FAM13C: variants seen among roughly 807,000 people sequenced by gnomAD.
FAM13C encodes family with sequence similarity 13 member C.
Under a neutral mutation model 73.2 loss-of-function variants are expected in FAM13C, and 37 were observed. The observed-to-expected ratio is 0.51, with a 90% CI of 0.39 to 0.67. FAM13C has a LOEUF of 0.67. Ranked by LOEUF, FAM13C falls within the 30% of genes least tolerant of loss-of-function variation. The pLI is 0.00. For missense variants in FAM13C, 589 were observed against 715.6 expected, an observed-to-expected ratio of 0.82 and a Z score of 2.02; for synonymous variants, 246 against 260.9, an observed-to-expected ratio of 0.94 and a Z score of 0.55.
At chr10:59,309,240 C>T (rs1848649893) in intron 4 of FAM13C, among the ~76,000 whole-genome samples, 1 of 152,136 alleles carries the variant, frequency 6.6e-6, no homozygotes, top group Non-Finnish European at 1.5e-5. Flanking sequence ...ATCTCTACCA[C>T]TGCCATCTGG....
At chr10:59,279,158 T>C (rs1262787888) in intron 6 of FAM13C, among the ~76,000 whole-genome samples, 1 of 151,726 alleles carries the variant, frequency 6.6e-6, no homozygotes, top group Non-Finnish European at 1.5e-5. Context: ...ATCAAGGGAG[T>C]TTTTCAAATG....
At chr10:59,271,457 C>T (rs1348214909) in intron 6 of FAM13C, among the ~76,000 whole-genome samples, 2 of 152,178 alleles carry the variant, frequency 1.3e-5, no homozygotes, top group East Asian at 3.9e-4. Context: ...TTTGCCTTTG[C>T]AGCTCACTGA....
chr10:59,270,982 A>C (rs59747214), intron 6 of FAM13C, among the ~76,000 whole-genome samples: 35,263 of 152,018 alleles, frequency 0.23, 5,534 homozygotes, highest in African/African-American at 0.44. Context: ...GTAAGTACCC[A>C]TCTGCTATGG....
At chr10:59,351,967 GCC>G (rs1463252983) in intron 3 of FAM13C, among the ~76,000 whole-genome samples, 3 of 152,154 alleles carry the variant, frequency 2.0e-5, no homozygotes, top group Non-Finnish European at 2.9e-5. Flanking sequence ...CTGTGCTCCA[GCC>G]TGGGGGATAG....
At chr10:59,287,259 C>T (rs1368500205) in intron 5 of FAM13C, among the ~76,000 whole-genome samples, 2 of 135,814 alleles carry the variant, frequency 1.5e-5, no homozygotes, top group African/African-American at 2.8e-5. Flanking sequence ...ATTGCTTGTA[C>T]CCAGGAGGTG....
intron 6 of FAM13C, among the ~76,000 whole-genome samples, chr10:59,273,818 C>A (rs946546666): frequency 5.3e-5 from 8 of 152,086 alleles, no homozygotes; most frequent in East Asian, 1.9e-4. Flanking sequence ...GCTGTAACCC[C>A]AAGCAGAAGC....
intron 4 of FAM13C, among the ~76,000 whole-genome samples, chr10:59,318,152 G>T (rs1236518372): frequency 6.6e-6 from 1 of 150,644 alleles, no homozygotes; most frequent in Non-Finnish European, 1.5e-5. Context: ...TTGATTATTA[G>T]TAGTAGTGGT....
rs78422182 is a variant in FAM13C, at chr10:59,265,335, G to GGGGGAA, written c.943-1170_943-1169insTTCCCC. On this transcript the variant is annotated intron_variant, in intron 8 of 13. Transcript: ENST00000618804. ...AAGGGGTTTTGGCGGGGGGGGGGGG[G>GGGGGAA]AATCCTGGTTTCAGGACCATGGACA... 6.7e-3 allele frequency among the ~76,000 whole-genome samples: 108 copies of GGGGGAA among 16,038 alleles called. 16 individuals are homozygous for GGGGGAA. The highest frequency in any genetic ancestry group is 0.045 in the Middle Eastern group (2 of 44). 10.5% of individuals were successfully genotyped at this position (16,038 alleles called of 152,430 possible).
chr10:59,253,415 A>C (rs2133379593), intron 11 of FAM13C, among the ~76,000 whole-genome samples: 1 of 152,350 alleles, frequency 6.6e-6, no homozygotes. Flanking sequence ...AAATACCCCA[A>C]GTCAGGTCCC....
At chr10:59,255,156 A>G (rs1005204677) in intron 10 of FAM13C, among the ~76,000 whole-genome samples, 1 of 152,186 alleles carries the variant, frequency 6.6e-6, no homozygotes, top group Non-Finnish European at 1.5e-5. Context: ...CTTCATCACT[A>G]CATGCTTGTA....
intron 10 of FAM13C, among the ~76,000 whole-genome samples, chr10:59,255,972 C>G (rs1270271052): frequency 6.6e-6 from 1 of 152,084 alleles, no homozygotes; most frequent in Non-Finnish European, 1.5e-5. Flanking sequence ...GGTTTATATG[C>G]AAAAAGGACT....
intron 3 of FAM13C, among the ~76,000 whole-genome samples, chr10:59,334,607 A>G (rs1399462215): frequency 6.6e-6 from 1 of 152,106 alleles, no homozygotes. Flanking sequence ...TGTCCTTTGT[A>G]GGGACATGGA....
chr10:59,337,753 C>T (rs1444839884), intron 3 of FAM13C, among the ~76,000 whole-genome samples: 1 of 124,484 alleles, frequency 8.0e-6, no homozygotes, highest in Non-Finnish European at 1.6e-5. Context: ...GATCTCTGCT[C>T]ATTGCAACCT....
At chr10:59,282,026 C>T (rs1267667396) in intron 6 of FAM13C, 2 of 152,320 alleles carry the variant, frequency 1.3e-5, no homozygotes, top group East Asian at 1.9e-4. Flanking sequence ...ATTGGCTTGA[C>T]GTTGGCTCCT....
chr10:59,260,364 ATC>A (rs1234717865), intron 10 of FAM13C, among the ~76,000 whole-genome samples: 1 of 152,076 alleles, frequency 6.6e-6, no homozygotes, highest in East Asian at 1.9e-4. Context: ...ATGGGTTCTA[ATC>A]TGTCTTTCTG....
chr10:59,291,846 T>C (rs1470405926), intron 5 of FAM13C, among the ~76,000 whole-genome samples: 23 of 138,542 alleles, frequency 1.7e-4, no homozygotes, highest in African/African-American at 6.2e-4. Flanking sequence ...TGGAGTGCAG[T>C]GGTGTGATCT....
At chr10:59,349,992 C>T (rs1854819068) in intron 3 of FAM13C, among the ~76,000 whole-genome samples, 2 of 152,176 alleles carry the variant, frequency 1.3e-5, no homozygotes, top group Admixed American at 6.5e-5. Flanking sequence ...TTCAGAAACT[C>T]ATACCAAGTG....
intron 4 of FAM13C, among the ~76,000 whole-genome samples, chr10:59,311,512 T>C (rs921718037): frequency 2.0e-5 from 3 of 152,118 alleles, no homozygotes; most frequent in Admixed American, 1.3e-4. Context: ...TAGTAAACAA[T>C]GATCAGACAC....
chr10:59,271,059 C>G (rs1031717748), intron 6 of FAM13C, among the ~76,000 whole-genome samples: 2 of 152,112 alleles, frequency 1.3e-5, no homozygotes, highest in African/African-American at 4.8e-5. Flanking sequence ...AGTCAGGGGG[C>G]CAGAAGAAGG....
Sources: allele counts gnomAD v4.1 joint callset (sites outside exome capture counted in the v4.1 genomes callset), GRCh38; gene constraint gnomAD v4.1.1; transcripts MANE v1.5; gene names NCBI Gene and HGNC (gene_info 2026-07-23, HGNC 2026-07-21).